Variants in CCBE1 observed in about 807,000 individuals in gnomAD.
The protein encoded by CCBE1 is collagen and calcium binding EGF domains 1, also known as collagen and calcium-binding EGF domain-containing protein 1.
Under a neutral mutation model 50.0 loss-of-function variants are expected in CCBE1, and 37 were observed. The observed-to-expected ratio is 0.74, with a 90% CI of 0.57 to 0.97. The LOEUF (loss-of-function observed/expected upper bound fraction) is 0.97, where lower values mean the gene tolerates loss of function less well. Ranked by LOEUF, CCBE1 falls within the 50% of genes least tolerant of loss-of-function variation. CCBE1 has a pLI of 0.00. For missense variants in CCBE1, 538 were observed against 523.8 expected (o/e 1.03, Z -0.26); for synonymous variants, 234 against 203.7 (o/e 1.15, Z -1.27).
At chr18:59,449,912 G>A (rs188566500) in intron 6 of CCBE1, among the ~76,000 whole-genome samples, 8 of 152,194 alleles carry the variant, frequency 5.3e-5, no homozygotes, top group Admixed American at 3.9e-4. Flanking sequence ...TCAGTGTCCC[G>A]GCTGACCTCC....
chr18:59,489,942 AAT>A (rs1300612746), intron 2 of CCBE1, among the ~76,000 whole-genome samples: 1 of 152,028 alleles, frequency 6.6e-6, no homozygotes, highest in Non-Finnish European at 1.5e-5. Flanking sequence ...TAAAAAATAA[AAT>A]ATGATTATAT....
At chr18:59,677,065 G>T (rs1196381425) in intron 2 of CCBE1, among the ~76,000 whole-genome samples, 4 of 152,124 alleles carry the variant, frequency 2.6e-5, no homozygotes, top group African/African-American at 9.7e-5. Flanking sequence ...GCCATAGAAG[G>T]ATTTTAAGCC....
intron 2 of CCBE1, among the ~76,000 whole-genome samples, chr18:59,500,239 C>T (rs1450907724): frequency 6.6e-6 from 1 of 152,214 alleles, no homozygotes; most frequent in Non-Finnish European, 1.5e-5. Context: ...TGCTTTCCCA[C>T]ACATCCTAGG....
At chr18:59,546,394 C>T (rs1915683578) in intron 2 of CCBE1, among the ~76,000 whole-genome samples, 1 of 152,210 alleles carries the variant, frequency 6.6e-6, no homozygotes, top group Non-Finnish European at 1.5e-5. Flanking sequence ...TAACTTCTTT[C>T]TGGTCAACAG....
At chr18:59,641,257 C>A (rs905963901) in intron 2 of CCBE1, among the ~76,000 whole-genome samples, 14 of 152,046 alleles carry the variant, frequency 9.2e-5, no homozygotes, top group Admixed American at 6.6e-4. Context: ...GGTATACACA[C>A]CATAGAATAC....
At chr18:59,514,997 T>C (rs2144308856) in intron 2 of CCBE1, among the ~76,000 whole-genome samples, 1 of 152,360 alleles carries the variant, frequency 6.6e-6, no homozygotes, top group African/African-American at 2.4e-5. Context: ...CAGGAAGCTC[T>C]GATGTTTATT....
chr18:59,535,175 A>G (rs1915200765), intron 2 of CCBE1, among the ~76,000 whole-genome samples: 1 of 152,218 alleles, frequency 6.6e-6, no homozygotes. Flanking sequence ...TGACAGCATC[A>G]TGAAGCCTTG....
chr18:59,580,610 C>A (rs771961535), intron 2 of CCBE1, among the ~76,000 whole-genome samples: 6 of 152,196 alleles, frequency 3.9e-5, no homozygotes, highest in Non-Finnish European at 7.3e-5. Flanking sequence ...ACATTCTTAT[C>A]TGTGATATCA....
intron 2 of CCBE1, among the ~76,000 whole-genome samples, chr18:59,491,827 C>CAAACAAACAAACAAACAAACAAAT (rs1555683263): frequency 4.3e-4 from 57 of 133,450 alleles, no homozygotes; most frequent in African/African-American, 1.5e-3. Flanking sequence ...AACAAACAAA[C>CAAACAAACAAACAAACAAACAAAT]AAACAAACAA....
At chr18:59,616,979 C>T (rs569086821) in intron 2 of CCBE1, among the ~76,000 whole-genome samples, 8 of 152,244 alleles carry the variant, frequency 5.3e-5, no homozygotes, top group Admixed American at 3.9e-4. Context: ...CATGAGCCAC[C>T]GACTCTCAGC....
intron 2 of CCBE1, among the ~76,000 whole-genome samples, chr18:59,529,000 G>A (rs928820772): frequency 2.0e-5 from 3 of 152,212 alleles, no homozygotes; most frequent in South Asian, 2.1e-4. Context: ...TGGCGGAGGG[G>A]GTGTGCTGCG....
intron 2 of CCBE1, among the ~76,000 whole-genome samples, chr18:59,625,146 C>T (rs2053763174): frequency 6.6e-6 from 1 of 152,086 alleles, no homozygotes; most frequent in Non-Finnish European, 1.5e-5. Flanking sequence ...AAATTGTAGC[C>T]ATAGGCCGGG....
intron 2 of CCBE1, among the ~76,000 whole-genome samples, chr18:59,630,207 G>C (rs942110174): frequency 1.3e-5 from 2 of 151,988 alleles, no homozygotes; most frequent in African/African-American, 4.8e-5. Flanking sequence ...ACATTAAAGG[G>C]GGCAGCTCGC....
intron 2 of CCBE1, among the ~76,000 whole-genome samples, chr18:59,605,612 A>T (rs2053487507): frequency 6.6e-6 from 1 of 152,192 alleles, no homozygotes; most frequent in Non-Finnish European, 1.5e-5. Context: ...CTGGAAAACC[A>T]GGGGAACTAA....
chr18:59,449,046 C>T (rs890030270), intron 6 of CCBE1, among the ~76,000 whole-genome samples: 1 of 152,156 alleles, frequency 6.6e-6, no homozygotes, highest in African/African-American at 2.4e-5. Flanking sequence ...AGTGGGTCAA[C>T]ACTGGCAGCT....
intron 2 of CCBE1, among the ~76,000 whole-genome samples, chr18:59,498,060 A>G (rs1403341320): frequency 6.6e-6 from 1 of 152,206 alleles, no homozygotes; most frequent in Non-Finnish European, 1.5e-5. Context: ...CCGAGAGGAG[A>G]TGCCATGAGG....
chr18:59,686,125 C>T (rs1176671423), intron 2 of CCBE1: 1 of 152,200 alleles, frequency 6.6e-6, no homozygotes, highest in Non-Finnish European at 1.5e-5. Flanking sequence ...TAACTCAGGA[C>T]ATTGTGGACA....
Position 59,522,993 on chromosome 18 carries a change from C to CAAAAAAAAAAAAAAAAAAAAAAAAAAA in CCBE1, c.213-42756_213-42755insTTTTTTTTTTTTTTTTTTTTTTTTTTT, listed in dbSNP as rs57217059. 1.6e-4 allele frequency among the ~76,000 whole-genome samples: 14 copies of CAAAAAAAAAAAAAAAAAAAAAAAAAAA among 89,222 alleles called. 1 individual carries two copies. Among genetic ancestry groups the CAAAAAAAAAAAAAAAAAAAAAAAAAAA allele is most frequent in the African/African-American group, 2.5e-4 (6 of 24,144 alleles). 58.5% of individuals were successfully genotyped at this position (89,222 alleles called of 152,430 possible). A position where few individuals can be genotyped will look rare whatever the true frequency, so the allele number is the denominator to read the frequency against. On this transcript the variant is annotated intron_variant, in intron 2 of 10. Coordinates refer to ENST00000439986, the MANE Select transcript of CCBE1 (RefSeq NM_133459.4). ...GGCAACAGAGTGAGAGACTCTGTTTCAAAAAAAAAAAAAAAAAAAATTCTC... is the reference window on the plus strand; with the variant it reads ...GGCAACAGAGTGAGAGACTCTGTTTCAAAAAAAAAAAAAAAAAAAAAAAAAAAAAAAAAAAAAAAAAAAAAAATTCTC...
intron 2 of CCBE1, among the ~76,000 whole-genome samples, chr18:59,548,959 C>T (rs960971150): frequency 5.9e-5 from 9 of 151,922 alleles, no homozygotes; most frequent in Non-Finnish European, 1.2e-4. Context: ...AAAAATTAGC[C>T]GGGCATGGTG....
Sources: allele counts gnomAD v4.1 joint callset (sites outside exome capture counted in the v4.1 genomes callset), GRCh38; gene constraint gnomAD v4.1.1; transcripts MANE v1.5; gene names NCBI Gene and HGNC (gene_info 2026-07-23, HGNC 2026-07-21).